Variants in ATP23 observed in about 807,000 individuals in gnomAD.
ATP23 encodes mitochondrial inner membrane protease ATP23 homolog.
A neutral mutation model predicts 28.5 loss-of-function variants in ATP23; 24 were observed. That is an observed-to-expected ratio of 0.84 (90% confidence interval 0.61 to 1.18). The LOEUF (loss-of-function observed/expected upper bound fraction) is 1.18, where lower values mean the gene tolerates loss of function less well. Among genes scored for constraint, ATP23 ranks in the 50% most tolerant of loss-of-function variants. The pLI is 0.00. For synonymous variants in ATP23, 99 were observed against 108.6 expected (o/e 0.91, Z 0.55); for missense variants, 274 against 306.4 (o/e 0.89, Z 0.79).
chr12:57,944,931 G>A (rs1956745406), intron 1 of ATP23, among the ~76,000 whole-genome samples: 2 of 152,260 alleles, frequency 1.3e-5, no homozygotes, highest in South Asian at 4.2e-4. Context: ...CATGGGACAT[G>A]GTATTGCCGG....
chr12:57,954,194 C>CAAAAAAAAA, intron 5 of ATP23, among the ~76,000 whole-genome samples: 1 of 71,438 alleles, frequency 1.4e-5, no homozygotes, highest in African/African-American at 5.5e-5. Flanking sequence ...GACTCCATCT[C>CAAAAAAAAA]AAAAAAAAAA....
At position 57,945,377 on chromosome 12, in the gene ATP23, C is replaced by T. The variant is rs541300479; in HGVS notation, c.188-251C>T. On this transcript the variant is annotated intron_variant, in intron 1 of 5. Transcript: ENST00000300145. ...CTTCCCAAGTAGCTGGGACTACAGG[C>T]GTGTGCCACCATGCCCAGCTAATTT... Among the ~76,000 whole-genome samples, 14 of 152,188 alleles carry T rather than the reference C, an allele frequency of 9.2e-5. 1 individual carries two copies. Among genetic ancestry groups the T allele is most frequent in the Middle Eastern group, 3.4e-3 (1 of 292 alleles).
chr12:57,951,649 C>A, intron 3 of ATP23, 109 bp from the exon 4 acceptor site: 2 of 1,213,590 alleles, frequency 1.6e-6, no homozygotes, highest in Non-Finnish European at 2.4e-6. Context: ...AGAGATATTC[C>A]AGGCAGGTGA....
intron 4 of ATP23, among the ~76,000 whole-genome samples, chr12:57,952,618 C>T (rs1475620886): frequency 6.6e-6 from 1 of 152,172 alleles, no homozygotes; most frequent in Admixed American, 6.5e-5. Context: ...AATCTCAAGC[C>T]TATACTATAT....
intron 1 of ATP23, 131 bp downstream of exon 1, chr12:57,942,019 G>A: frequency 1.7e-6 from 2 of 1,148,590 alleles, no homozygotes; most frequent in Non-Finnish European, 2.4e-6. Context: ...TGGGCATCAT[G>A]GGGGCTGGGT....
chr12:57,957,068 T>A lies in ATP23; in HGVS notation c.*178T>A. The A allele has an allele frequency of 2.1e-6, 1 of 471,272 alleles. No homozygotes were observed. The allele number at this position is 471,272 out of a possible 1,614,324, so 29.2% of individuals were successfully genotyped here. ...ACTATGGCAAAAAATGAAACTGCTTTAAACTCCAAGGCAGAAATTGTATCT... is the reference window on the plus strand; with the variant it reads ...ACTATGGCAAAAAATGAAACTGCTTAAAACTCCAAGGCAGAAATTGTATCT... On this transcript the variant is annotated 3_prime_UTR_variant, in exon 6 of 6. Transcript: ENST00000300145.
rs1347074569 is a variant in ATP23, at chr12:57,953,698, TA to T, written c.537+11del. On this transcript the variant is annotated intron_variant, in intron 5 of 5. Transcript: ENST00000300145. Reference sequence around the variant, plus strand: ...TAAAACAACACCACCAGGTAAAAACTAATATGAAATCACTTCCCCTCCAGAG... The same window carrying T: ...TAAAACAACACCACCAGGTAAAAACTATATGAAATCACTTCCCCTCCAGAG... 4 of 1,604,560 alleles carry T rather than the reference TA, an allele frequency of 2.5e-6. No individual in the cohort carries two copies. Among genetic ancestry groups the T allele is most frequent in the Non-Finnish European group, 3.4e-6 (4 of 1,171,566 alleles).
intron 2 of ATP23, 36 bp from the exon 3 acceptor site, chr12:57,946,957 ACT>A: frequency 6.2e-7 from 1 of 1,604,700 alleles, no homozygotes; most frequent in African/African-American, 1.3e-5. Context: ...CCACATACAC[ACT>A]GTTTCTGGAC....
intron 1 of ATP23, among the ~76,000 whole-genome samples, chr12:57,942,729 G>T (rs1204919504): frequency 1.3e-5 from 2 of 151,836 alleles, no homozygotes; most frequent in Non-Finnish European, 2.9e-5. Context: ...GGCCCAAAGT[G>T]TATTTTTTTT....
Position 57,958,088 on chromosome 12 carries a change from G to A in ATP23, c.*1198G>A, listed in dbSNP as rs1956885324. Among the ~76,000 whole-genome samples the A allele has an allele frequency of 6.6e-6, 1 of 152,090 alleles. No individual in the cohort carries two copies. The highest frequency in any genetic ancestry group is 6.5e-5 in the Admixed American group (1 of 15,270). ...TGGCCCTTCGGCTTGTGTGGGAGCT[G>A]GGTGAGGCCTGTGACTGCCGGCTTT... On this transcript the variant is annotated 3_prime_UTR_variant, in exon 6 of 6. Transcript: ENST00000300145.
rs551714087 is a variant in ATP23, at chr12:57,944,042, T to C, written c.188-1586T>C. 2.8e-5 allele frequency among the ~76,000 whole-genome samples: 4 copies of C among 145,046 alleles called. No homozygotes were observed. The South Asian group carries it at 9.2e-4, about 33-fold the overall frequency. Reference sequence around the variant, plus strand: ...TCTAAATATTGCTGCAGGTCCTTTTTGAAGTACTAAACCATGGTTTTTTTT... The same window carrying C: ...TCTAAATATTGCTGCAGGTCCTTTTCGAAGTACTAAACCATGGTTTTTTTT... On this transcript the variant is annotated intron_variant, in intron 1 of 5. Transcript: ENST00000300145.
chr12:57,953,045 T>C (rs558670939), intron 4 of ATP23, among the ~76,000 whole-genome samples: 8 of 152,312 alleles, frequency 5.3e-5, no homozygotes, highest in South Asian at 2.1e-4. Context: ...TCATTTTTCA[T>C]AGGACAATCA....
In ATP23 at chr12:57,957,595, C is replaced by T. The variant is rs1393248460; in HGVS notation, c.*705C>T. Among the ~76,000 whole-genome samples the T allele has an allele frequency of 6.6e-6, 1 of 152,130 alleles. No individual in the cohort carries two copies. Among genetic ancestry groups the T allele is most frequent in the East Asian group, 1.9e-4 (1 of 5,190 alleles). ...ACTGCAGAAGTGGGAAAGGGAGACC[C>T]TCCTCTCCCACACACACCCCCCCAC... On this transcript the variant is annotated 3_prime_UTR_variant, in exon 6 of 6. Coordinates refer to ENST00000300145, the MANE Select transcript of ATP23 (RefSeq NM_033276.4).
chr12:57,959,047 T>G lies in ATP23; in HGVS notation c.*2157T>G, dbSNP rs1956894092. Among the ~76,000 whole-genome samples the G allele has an allele frequency of 6.6e-6, 1 of 151,940 alleles. No individual in the cohort carries two copies. The highest frequency in any genetic ancestry group is 2.4e-5 in the African/African-American group (1 of 41,376). The stretch of plus-strand genomic sequence containing the variant: ...AATGGAGAGCTTAAAGAAAAAAGAA[T>G]AAAAAATTCAGGAAACTTTGGACAC... On this transcript the variant is annotated 3_prime_UTR_variant, in exon 6 of 6. Coordinates refer to ENST00000300145, the MANE Select transcript of ATP23 (RefSeq NM_033276.4).
chr12:57,954,859 A>G (rs1373905934), intron 5 of ATP23, among the ~76,000 whole-genome samples: 1 of 152,190 alleles, frequency 6.6e-6, no homozygotes, highest in Non-Finnish European at 1.5e-5. Flanking sequence ...GCTACTCAGA[A>G]ATTGTGAACT....
At chr12:57,950,374 G>A (rs768901773) in intron 3 of ATP23, among the ~76,000 whole-genome samples, 4 of 151,668 alleles carry the variant, frequency 2.6e-5, no homozygotes, top group South Asian at 2.1e-4. Flanking sequence ...CTCCCTCTAC[G>A]CTTTGCATAG....
In ATP23 at chr12:57,958,467, C is replaced by G. The variant is rs892274259; in HGVS notation, c.*1577C>G. Among the ~76,000 whole-genome samples, 2 of 152,178 alleles carry G rather than the reference C, an allele frequency of 1.3e-5. No individual in the cohort carries two copies. Among genetic ancestry groups the G allele is most frequent in the African/African-American group, 4.8e-5 (2 of 41,438 alleles). On this transcript the variant is annotated 3_prime_UTR_variant, in exon 6 of 6. Coordinates refer to ENST00000300145, the MANE Select transcript of ATP23 (RefSeq NM_033276.4). Reference sequence around the variant, plus strand: ...CCTTCAACCACCAAAGCTAAGAACCCTCATGGAGTCCATTGCACCCCCCCT... The same window carrying G: ...CCTTCAACCACCAAAGCTAAGAACCGTCATGGAGTCCATTGCACCCCCCCT...
chr12:57,943,564 C>T (rs142012204), intron 1 of ATP23, among the ~76,000 whole-genome samples: 14 of 151,978 alleles, frequency 9.2e-5, no homozygotes, highest in African/African-American at 3.4e-4. Context: ...GCCTGCAGTC[C>T]CAACTATTTA....
At chr12:57,947,894 A>G (rs1956777659) in intron 3 of ATP23, among the ~76,000 whole-genome samples, 1 of 152,200 alleles carries the variant, frequency 6.6e-6, no homozygotes. Flanking sequence ...TTGAATGTAT[A>G]ATTCATACTT....
Sources: allele counts gnomAD v4.1 joint callset (sites outside exome capture counted in the v4.1 genomes callset), GRCh38; gene constraint gnomAD v4.1.1; transcripts MANE v1.5; gene names NCBI Gene and HGNC (gene_info 2026-07-23, HGNC 2026-07-21).